WDR27: variants seen among roughly 807,000 people sequenced by gnomAD.
WDR27 encodes the protein WD repeat domain 27, also known as WD repeat-containing protein 27.
In WDR27, 100 loss-of-function variants were observed where a neutral mutation model predicts 114.4. The observed-to-expected ratio is 0.87, with a 90% CI of 0.74 to 1.03. WDR27 has a LOEUF of 1.03. Ranked by LOEUF, WDR27 falls within the 50% of genes least tolerant of loss-of-function variation. WDR27 has a pLI of 0.00. For missense variants in WDR27, 1,129 were observed against 1,092.9 expected (o/e 1.03, Z -0.47); for synonymous variants, 449 against 423.1 (o/e 1.06, Z -0.75).
At chr6:169,682,923 T>C (rs60253563) in intron 2 of WDR27, among the ~76,000 whole-genome samples, 25,027 of 151,750 alleles carry the variant, frequency 0.16, 2,589 homozygotes, top group East Asian at 0.3. Flanking sequence ...AATAATTAAA[T>C]GAAAAATGCA....
chr6:169,667,104 AT>A, intron 6 of WDR27, 31 bp downstream of exon 6: 1 of 1,487,132 alleles, frequency 6.7e-7, no homozygotes, highest in South Asian at 1.4e-5. Flanking sequence ...CACACAACCT[AT>A]TTACAGAAAA....
At chr6:169,643,616 T>C (rs188806320) in intron 17 of WDR27, 81 bp downstream of exon 17, 1 of 1,193,176 alleles carries the variant, frequency 8.4e-7, no homozygotes, top group East Asian at 2.5e-5. Flanking sequence ...GAAACAAAAG[T>C]GTCCTTTAGC....
chr6:169,433,423 T>G, the WDR27 span, among the ~76,000 whole-genome samples: 1 of 152,234 alleles, frequency 6.6e-6, no homozygotes, highest in South Asian at 2.1e-4. Context: ...TCAGAAATCA[T>G]TCTTTTTTAT....
At chr6:169,546,665 T>C (rs1441088418) in intron 25 of WDR27, among the ~76,000 whole-genome samples, 1 of 152,162 alleles carries the variant, frequency 6.6e-6, no homozygotes, top group Non-Finnish European at 1.5e-5. Context: ...AAACCCATCA[T>C]GGAAGGGTTC....
chr6:169,470,638 A>G (rs1281375527), intron 25 of WDR27, among the ~76,000 whole-genome samples: 1 of 152,212 alleles, frequency 6.6e-6, no homozygotes, highest in Non-Finnish European at 1.5e-5. Flanking sequence ...GAGTGGGAAG[A>G]GAGGGAGACA....
At chr6:169,527,983 A>G (rs1795141030) in intron 25 of WDR27, among the ~76,000 whole-genome samples, 2 of 152,182 alleles carry the variant, frequency 1.3e-5, no homozygotes, top group South Asian at 4.1e-4. Flanking sequence ...TCTAATTAAT[A>G]AGGAAGAAAT....
chr6:169,459,557 A>C (rs531098420), intron 25 of WDR27, among the ~76,000 whole-genome samples: 6 of 151,628 alleles, frequency 4.0e-5, no homozygotes, highest in South Asian at 2.1e-4. Flanking sequence ...TTATATATGT[A>C]TATAAATGTA....
At chr6:169,685,268 G>GAA (rs60810429) in intron 2 of WDR27, among the ~76,000 whole-genome samples, 14 of 141,574 alleles carry the variant, frequency 9.9e-5, no homozygotes, top group African/African-American at 2.6e-4. Context: ...GAAAATCAAA[G>GAA]AAAAAAAAAA....
At chr6:169,450,774 G>A in the WDR27 span, among the ~76,000 whole-genome samples, 2 of 152,102 alleles carry the variant, frequency 1.3e-5, no homozygotes, top group African/African-American at 4.8e-5. Context: ...TAGCGGTCCC[G>A]AGATCCAGCG....
intron 1 of WDR27, among the ~76,000 whole-genome samples, chr6:169,693,066 G>C (rs1784913624): frequency 6.6e-6 from 1 of 152,328 alleles, no homozygotes; most frequent in African/African-American, 2.4e-5. Context: ...CAGGAAGAAT[G>C]AAAGAATCTT....
At chr6:169,458,959 CA>C (rs1244837677) in intron 25 of WDR27, among the ~76,000 whole-genome samples, 1 of 151,282 alleles carries the variant, frequency 6.6e-6, no homozygotes, top group African/African-American at 2.4e-5. Context: ...AAAACAATGA[CA>C]AAAAAAATCA....
chr6:169,643,687 CAT>C lies in WDR27; in HGVS notation c.1747+8_1747+9del. ...AAGTTCATACTGACTGAAATTAAGA[CAT>C]GTTTTACCTGAAAACACAGCAGGTG... On this transcript the variant is annotated splice_region_variant and intron_variant, in intron 17 of 25. Coordinates refer to ENST00000448612, the MANE Select transcript of WDR27 (RefSeq NM_182552.5). The C allele has an allele frequency of 6.2e-7, 1 of 1,611,246 alleles. No homozygotes were observed. Among genetic ancestry groups the C allele is most frequent in the African/African-American group, 1.3e-5 (1 of 74,982 alleles).
intron 25 of WDR27, among the ~76,000 whole-genome samples, chr6:169,504,080 AAGAT>A (rs138788133): frequency 0.01 from 1,555 of 152,316 alleles, 24 homozygotes; most frequent in African/African-American, 0.034. Flanking sequence ...GATAGATAAA[AAGAT>A]AGATGAACAG....
intron 25 of WDR27, among the ~76,000 whole-genome samples, chr6:169,530,668 C>G (rs1040120893): frequency 1.3e-5 from 2 of 152,174 alleles, no homozygotes; most frequent in Non-Finnish European, 2.9e-5. Flanking sequence ...GCTGGTATAA[C>G]GCAGCACCGC....
chr6:169,677,882 A>C (rs902609453), intron 2 of WDR27, among the ~76,000 whole-genome samples: 1 of 152,260 alleles, frequency 6.6e-6, no homozygotes, highest in Non-Finnish European at 1.5e-5. Flanking sequence ...GGTGGTTTCC[A>C]TGTGGTATTA....
chr6:169,556,886 G>C (rs944835063), intron 25 of WDR27, among the ~76,000 whole-genome samples: 1 of 151,684 alleles, frequency 6.6e-6, no homozygotes, highest in African/African-American at 2.4e-5. Context: ...CCACCTCAAG[G>C]CTAAAATTAA....
Position 169,622,549 on chromosome 6 carries a change from A to C in WDR27, c.2224-8893T>G, listed in dbSNP as rs1474626672. Among the ~76,000 whole-genome samples the C allele has an allele frequency of 2.6e-5, 4 of 152,268 alleles. No individual in the cohort carries two copies. The East Asian group carries it at 7.7e-4, about 29-fold the overall frequency. ...CATTTCACTGAATGTTTATAGAAAAAAACAGAACCACTTGGAAAACAATAT... is the reference window on the plus strand; with the variant it reads ...CATTTCACTGAATGTTTATAGAAAACAACAGAACCACTTGGAAAACAATAT... On this transcript the variant is annotated intron_variant, in intron 21 of 25. Coordinates refer to ENST00000448612, the MANE Select transcript of WDR27 (RefSeq NM_182552.5).
intron 25 of WDR27, among the ~76,000 whole-genome samples, chr6:169,495,120 G>A (rs1365344732): frequency 6.6e-6 from 1 of 152,124 alleles, no homozygotes; most frequent in Non-Finnish European, 1.5e-5. Flanking sequence ...ATAGATGGTA[G>A]GTGATAGATG....
At chr6:169,566,938 A>G (rs1800597879) in intron 25 of WDR27, among the ~76,000 whole-genome samples, 1 of 152,240 alleles carries the variant, frequency 6.6e-6, no homozygotes, top group Non-Finnish European at 1.5e-5. Context: ...ACTTGGCTCC[A>G]TTTATTAAAA....
Sources: allele counts gnomAD v4.1 joint callset (sites outside exome capture counted in the v4.1 genomes callset), GRCh38; gene constraint gnomAD v4.1.1; transcripts MANE v1.5; gene names NCBI Gene and HGNC (gene_info 2026-07-23, HGNC 2026-07-21).